Variants in BACH2 observed in about 807,000 individuals in gnomAD.
BACH2 encodes BACH transcriptional regulator 2, also known as transcription regulator protein BACH2.
BACH2 carries 5 observed loss-of-function variants against 61.8 expected under a neutral mutation model. The ratio of observed to expected loss-of-function variants is 0.08; its 90% CI spans 0.04 to 0.17. BACH2 has a LOEUF of 0.17. BACH2 is among the 10% of genes least tolerant of loss of function. The pLI, the probability that BACH2 is intolerant of heterozygous loss-of-function variation, is 1.00. For missense variants in BACH2, 824 were observed against 1,091.1 expected (o/e 0.76, Z 3.45); for synonymous variants, 446 against 440.1 (o/e 1.01, Z -0.17).
At chr6:90,198,078 T>C (rs1025420523) in intron 4 of BACH2, among the ~76,000 whole-genome samples, 6 of 152,218 alleles carry the variant, frequency 3.9e-5, no homozygotes, top group Non-Finnish European at 8.8e-5. Flanking sequence ...CTGCCTGTTA[T>C]GTAACCATGC....
intron 3 of BACH2, among the ~76,000 whole-genome samples, chr6:90,226,639 T>C (rs1769924380): frequency 6.6e-6 from 1 of 152,102 alleles, no homozygotes; most frequent in Non-Finnish European, 1.5e-5. Context: ...TCTATATAAA[T>C]GCAATGTCTT....
chr6:90,188,544 C>T (rs897237578), intron 4 of BACH2, among the ~76,000 whole-genome samples: 1 of 151,828 alleles, frequency 6.6e-6, no homozygotes, highest in East Asian at 1.9e-4. Context: ...AAAAAAAATA[C>T]ATATACAAGT....
intron 1 of BACH2, among the ~76,000 whole-genome samples, chr6:90,293,587 T>G (rs1044310918): frequency 2.0e-5 from 3 of 152,210 alleles, no homozygotes; most frequent in African/African-American, 7.2e-5. Flanking sequence ...AGGAGAGATC[T>G]GAACATGAAC....
chr6:90,252,780 T>C (rs971764056), intron 2 of BACH2, among the ~76,000 whole-genome samples, 190 bp from the exon 3 acceptor site: 3 of 152,206 alleles, frequency 2.0e-5, no homozygotes, highest in Non-Finnish European at 4.4e-5. Flanking sequence ...TAGTCAAGTT[T>C]ACTAGGCTCA....
intron 6 of BACH2, among the ~76,000 whole-genome samples, chr6:90,005,316 G>A (rs1777351210): frequency 6.6e-6 from 1 of 152,162 alleles, no homozygotes; most frequent in Non-Finnish European, 1.5e-5. Context: ...CCAAGGGAGT[G>A]TAGATGGGTC....
chr6:89,944,329 T>A (rs566365239), intron 7 of BACH2, among the ~76,000 whole-genome samples: 2 of 152,248 alleles, frequency 1.3e-5, no homozygotes, highest in Non-Finnish European at 2.9e-5. Context: ...TACAAGGTAT[T>A]ATTATTTCTG....
At chr6:90,101,560 A>T (rs1051105876) in intron 4 of BACH2, among the ~76,000 whole-genome samples, 1 of 152,214 alleles carries the variant, frequency 6.6e-6, no homozygotes, top group Non-Finnish European at 1.5e-5. Context: ...TACTGTATTC[A>T]AGACTACACT....
intron 5 of BACH2, among the ~76,000 whole-genome samples, chr6:90,057,497 A>C (rs1469388045): frequency 1.3e-5 from 2 of 152,224 alleles, no homozygotes; most frequent in African/African-American, 4.8e-5. Context: ...TACGAACCAA[A>C]AAAAGTCCAG....
chr6:90,196,137 T>C lies in BACH2; in HGVS notation c.-162+10432A>G, dbSNP rs1258245855. 3.3e-5 allele frequency among the ~76,000 whole-genome samples: 5 copies of C among 152,128 alleles called. No individual in the cohort carries two copies. The East Asian group carries it at 7.7e-4, about 23-fold the overall frequency. ...CATTCAATGCAAGTACTTTTTTTTT[T>C]TTTAATCTCCATTTCATTCATGGAA... On this transcript the variant is annotated intron_variant, in intron 4 of 8. Coordinates refer to ENST00000257749, the MANE Select transcript of BACH2 (RefSeq NM_021813.4).
chr6:90,265,607 G>A (rs1317977961), intron 2 of BACH2, among the ~76,000 whole-genome samples: 2 of 152,154 alleles, frequency 1.3e-5, no homozygotes, highest in African/African-American at 4.8e-5. Context: ...ATACCCAGGT[G>A]AAATCTTTAC....
intron 6 of BACH2, among the ~76,000 whole-genome samples, chr6:89,956,068 A>T (rs1774409447): frequency 6.6e-6 from 1 of 152,250 alleles, no homozygotes; most frequent in South Asian, 2.1e-4. Context: ...TCCACTGGTC[A>T]GCAGTGGCCT....
intron 5 of BACH2, among the ~76,000 whole-genome samples, chr6:90,057,347 C>T (rs1780417943): frequency 6.6e-6 from 1 of 152,194 alleles, no homozygotes; most frequent in African/African-American, 2.4e-5. Flanking sequence ...ATAAACACCT[C>T]TACGCAAATA....
chr6:90,155,057 G>A (rs72925959), intron 4 of BACH2, among the ~76,000 whole-genome samples: 9 of 152,268 alleles, frequency 5.9e-5, no homozygotes, highest in East Asian at 1.9e-4. Context: ...TATTTGAGGC[G>A]GAGTGTCTGC....
At chr6:90,200,876 A>T (rs914671178) in intron 4 of BACH2, among the ~76,000 whole-genome samples, 2 of 152,206 alleles carry the variant, frequency 1.3e-5, no homozygotes, top group African/African-American at 4.8e-5. Context: ...AGAAATGCAC[A>T]TTGCTTAAGA....
At chr6:90,147,093 G>T (rs1562473517) in intron 4 of BACH2, among the ~76,000 whole-genome samples, 1 of 152,014 alleles carries the variant, frequency 6.6e-6, no homozygotes, top group African/African-American at 2.4e-5. Flanking sequence ...AGAGGAAGTT[G>T]GTTTCTTACA....
At chr6:90,271,400 AGG>A (rs1771518169) in intron 2 of BACH2, among the ~76,000 whole-genome samples, 2 of 150,678 alleles carry the variant, frequency 1.3e-5, no homozygotes, top group African/African-American at 4.9e-5. Context: ...GAAAAAAGAA[AGG>A]AAAAGAAAAA....
intron 3 of BACH2, among the ~76,000 whole-genome samples, chr6:90,218,909 G>A (rs1414067025): frequency 6.8e-6 from 1 of 146,786 alleles, no homozygotes; most frequent in Admixed American, 6.9e-5. Flanking sequence ...TGTGAATTTC[G>A]GTTTCCTTTC....
At chr6:90,038,441 C>T (rs1457650030) in intron 5 of BACH2, among the ~76,000 whole-genome samples, 1 of 152,156 alleles carries the variant, frequency 6.6e-6, no homozygotes, top group Non-Finnish European at 1.5e-5. Flanking sequence ...TTGTGCTCAA[C>T]ATTATGTTTG....
At chr6:90,296,144 T>G (rs192342119) in intron 1 of BACH2, among the ~76,000 whole-genome samples, 3 of 151,936 alleles carry the variant, frequency 2.0e-5, no homozygotes, top group Non-Finnish European at 4.4e-5. Flanking sequence ...ATGCCTGACT[T>G]ATTACTCTCT....
Sources: allele counts gnomAD v4.1 joint callset (sites outside exome capture counted in the v4.1 genomes callset), GRCh38; gene constraint gnomAD v4.1.1; transcripts MANE v1.5; gene names NCBI Gene and HGNC (gene_info 2026-07-23, HGNC 2026-07-21).